Variants in SMCO3 observed in about 807,000 individuals in gnomAD.
SMCO3 encodes single-pass membrane and coiled-coil domain-containing protein 3.
Under a neutral mutation model 12.0 loss-of-function variants are expected in SMCO3, and 6 were observed. The observed-to-expected ratio is 0.50, with a 90% CI of 0.27 to 0.99. The LOEUF (loss-of-function observed/expected upper bound fraction) is 0.99. Ranked by LOEUF, SMCO3 falls within the 50% of genes least tolerant of loss-of-function variation. The pLI is 0.11. For missense variants in SMCO3, 279 were observed against 265.0 expected (o/e 1.05, Z -0.37); for synonymous variants, 96 against 96.4 (o/e 1.00, Z 0.02).
rs750875532 is a variant in SMCO3, at chr12:14,814,168, G to A, written c.-59C>T. On this transcript the variant is annotated 5_prime_UTR_variant, in exon 1 of 2. Transcript: ENST00000316048. ...TTCCGTGGTCCTAGCAGTTGTTTAGGAGTATTGTTAAAGTGCTTTTTCATC... is the reference window on the plus strand; with the variant it reads ...TTCCGTGGTCCTAGCAGTTGTTTAGAAGTATTGTTAAAGTGCTTTTTCATC... 1 of 152,130 alleles carries A rather than the reference G, an allele frequency of 6.6e-6. No homozygotes were observed. Among genetic ancestry groups the A allele is most frequent in the African/African-American group, 2.4e-5 (1 of 41,398 alleles). 9.4% of individuals were successfully genotyped at this position (152,130 alleles called of 1,614,324 possible).
chr12:14,808,267 G>A (rs187067627), intron 1 of SMCO3, among the ~76,000 whole-genome samples: 3 of 152,224 alleles, frequency 2.0e-5, no homozygotes, highest in Admixed American at 2.0e-4. Context: ...TAACAGTCAT[G>A]CTCTTCTGTG....
intron 1 of SMCO3, among the ~76,000 whole-genome samples, chr12:14,811,378 A>G (rs990221309): frequency 6.6e-6 from 1 of 152,166 alleles, no homozygotes; most frequent in African/African-American, 2.4e-5. Flanking sequence ...CTTGCTCTAC[A>G]CATTTGGGCT....
chr12:14,812,353 AG>A (rs1323871035), intron 1 of SMCO3, among the ~76,000 whole-genome samples: 2 of 152,168 alleles, frequency 1.3e-5, no homozygotes, highest in Admixed American at 6.5e-5. Flanking sequence ...CTGAGGCAGG[AG>A]AATGGCATGA....
In SMCO3 at chr12:14,806,203, G is replaced by C; in HGVS notation, c.478C>G (p.Leu160Val). Residue 160 changes from leucine to valine, a missense_variant, in exon 2 of 2, where the codon CTT (leucine) becomes GTT (valine). Physicochemically the swap from Leu to Val is conservative, Grantham distance 32 (BLOSUM62 1). Transcript: ENST00000316048. ...TVLAQIGASL[L>V]GSIGVAVLGL... ...AGAACAGCAACTCCAATACTACCAA[G>C]GAGAGAAGCACCAATTTGAGCTAAC... The C allele has an allele frequency of 6.2e-7, 1 of 1,614,054 alleles. No individual in the cohort carries two copies. The highest frequency in any genetic ancestry group is 1.6e-4 in the Middle Eastern group (1 of 6,062).
At chr12:14,812,182 C>T (rs1950150027) in intron 1 of SMCO3, among the ~76,000 whole-genome samples, 1 of 152,214 alleles carries the variant, frequency 6.6e-6, no homozygotes, top group Non-Finnish European at 1.5e-5. Flanking sequence ...TGGTGGCTCA[C>T]GCCTGTAATC....
chr12:14,809,500 A>G (rs1950104238), intron 1 of SMCO3, among the ~76,000 whole-genome samples: 1 of 152,190 alleles, frequency 6.6e-6, no homozygotes, highest in Non-Finnish European at 1.5e-5. Flanking sequence ...AGACCCTTCT[A>G]TCTGTTTAAT....
At chr12:14,808,600 C>T (rs1592231352) in intron 1 of SMCO3, among the ~76,000 whole-genome samples, 1 of 152,104 alleles carries the variant, frequency 6.6e-6, no homozygotes, top group African/African-American at 2.4e-5. Flanking sequence ...TGAAAATAAC[C>T]TATCCTCCAA....
In SMCO3 at chr12:14,805,752, G is replaced by C; in HGVS notation, c.*251C>G. 1 of 468,132 alleles carries C rather than the reference G, an allele frequency of 2.1e-6. No homozygotes were observed. Among genetic ancestry groups the C allele is most frequent in the African/African-American group, 2.0e-5 (1 of 50,782 alleles). 29.0% of individuals were successfully genotyped at this position (468,132 alleles called of 1,614,324 possible). Reference sequence around the variant, plus strand: ...CATTTACCCCAATGTTGATCTGGTAGAGCAGGGTGTGAAAACATCCAGGGA... The same window carrying C: ...CATTTACCCCAATGTTGATCTGGTACAGCAGGGTGTGAAAACATCCAGGGA... On this transcript the variant is annotated 3_prime_UTR_variant, in exon 2 of 2. Coordinates refer to ENST00000316048, the MANE Select transcript of SMCO3 (RefSeq NM_001013698.2).
Position 14,806,079 on chromosome 12 carries a change from T to C in SMCO3, c.602A>G (p.Glu201Gly). The C allele has an allele frequency of 1.9e-6, 3 of 1,614,204 alleles. No homozygotes were observed. In the South Asian group the frequency reaches 3.3e-5, roughly 18 times the overall value. The change falls in exon 2 of 2, where the codon GAG becomes GGG. Residue 201 changes from glutamate (E) to glycine (G), a missense_variant. Physicochemically the swap from Glu to Gly is moderately conservative, Grantham distance 98. Transcript: ENST00000316048. ...ATATTTTTCTGAGGCTGATTTGAAC[T>C]CCACCAGATGCTTCTCATAACTTTT... The part of the protein sequence containing the change: ...AIKSYEKHLV[E>G]FKSASEKYNH...
Position 14,806,108 on chromosome 12 carries a change from GGCT to G in SMCO3, c.570_572del (p.Ala191del), listed in dbSNP as rs760359895. 1.2e-6 allele frequency: 2 copies of G among 1,614,004 alleles called. No homozygotes were observed. The highest frequency in any genetic ancestry group is 2.7e-5 in the African/African-American group (2 of 74,890). ...CCAGATGCTTCTCATAACTTTTGAT[GGCT>G]GCTTGAAGCTGTGTTTTTTCCACTG... On this transcript the variant is annotated inframe_deletion, in exon 2 of 2. Transcript: ENST00000316048.
rs960958437 is a variant in SMCO3, at chr12:14,806,754, G to T, written c.-16-58C>A. The T allele has an allele frequency of 3.7e-5, 53 of 1,424,388 alleles. 1 individual carries two copies. The Admixed American group carries it at 4.1e-4, about 11-fold the overall frequency. 88.2% of individuals were successfully genotyped at this position (1,424,388 alleles called of 1,614,324 possible). ...GTCTTAAAAAATGTCTGCTAACTGT[G>T]TAGAAGGGACTAGGAAATCTTTTTC... On this transcript the variant is annotated intron_variant, in intron 1 of 1. Transcript: ENST00000316048.
chr12:14,812,575 A>G (rs965465136), intron 1 of SMCO3, among the ~76,000 whole-genome samples: 2 of 152,036 alleles, frequency 1.3e-5, no homozygotes, highest in African/African-American at 4.8e-5. Context: ...TTTTTCCTCC[A>G]TTATCTGGAT....
chr12:14,806,095 C>G lies in SMCO3; in HGVS notation c.586G>C (p.Glu196Gln), dbSNP rs762791212. Residue 196 changes from glutamate (E) to glutamine (Q), a missense_variant, in exon 2 of 2, where the codon GAG (glutamate) becomes CAG (glutamine). Transcript: ENST00000316048. ...GATTTGAACTCCACCAGATGCTTCTCATAACTTTTGATGGCTGCTTGAAGC... is the reference window on the plus strand; with the variant it reads ...GATTTGAACTCCACCAGATGCTTCTGATAACTTTTGATGGCTGCTTGAAGC... ...TQLQAAIKSY[E>Q]KHLVEFKSAS... 6.2e-7 allele frequency: 1 copy of G among 1,614,154 alleles called. No homozygotes were observed. The highest frequency in any genetic ancestry group is 1.1e-5 in the South Asian group (1 of 91,088).
chr12:14,806,521 T>G lies in SMCO3; in HGVS notation c.160A>C (p.Ile54Leu), dbSNP rs1164345840. ...NMHLGCRLASIEMKRDGTIKE... is the reference protein window; with the variant it reads ...NMHLGCRLASLEMKRDGTIKE... ...ATGGTCCCATCTCTTTTCATCTCAATGGAGGCCAGCCTGCACCCCAAGTGC... is the reference window on the plus strand; with the variant it reads ...ATGGTCCCATCTCTTTTCATCTCAAGGGAGGCCAGCCTGCACCCCAAGTGC... Residue 54 changes from isoleucine to leucine, a missense_variant, in exon 2 of 2, where the codon ATT (isoleucine) becomes CTT (leucine). Transcript: ENST00000316048. 1 of 1,614,030 alleles carries G rather than the reference T, an allele frequency of 6.2e-7. No homozygotes were observed. Among genetic ancestry groups the G allele is most frequent in the East Asian group, 2.2e-5 (1 of 44,882 alleles).
intron 1 of SMCO3, among the ~76,000 whole-genome samples, chr12:14,812,210 C>T (rs923206354): frequency 5.3e-5 from 8 of 151,968 alleles, no homozygotes; most frequent in Admixed American, 2.6e-4. Flanking sequence ...TTTGGGAGGC[C>T]GAGGCGGGCG....
chr12:14,806,890 GGTGCGATCTCAGCT>G, intron 1 of SMCO3, among the ~76,000 whole-genome samples, 194 bp from the exon 2 acceptor site: 2 of 152,280 alleles, frequency 1.3e-5, no homozygotes, highest in Admixed American at 1.3e-4. Flanking sequence ...GGAGTGCAGT[GGTGCGATCTCAGCT>G]CACTGCAACC....
intron 1 of SMCO3, among the ~76,000 whole-genome samples, chr12:14,809,603 T>C (rs1039861903): frequency 2.0e-5 from 3 of 152,096 alleles, no homozygotes; most frequent in Non-Finnish European, 4.4e-5. Flanking sequence ...GAGTTAAAAA[T>C]TAATAACAAA....
At chr12:14,810,073 G>T (rs1184731063) in intron 1 of SMCO3, among the ~76,000 whole-genome samples, 2 of 152,178 alleles carry the variant, frequency 1.3e-5, no homozygotes, top group African/African-American at 4.8e-5. Context: ...TTTGGCTAAA[G>T]AAATGTTATG....
At chr12:14,807,365 T>C (rs1184221281) in intron 1 of SMCO3, among the ~76,000 whole-genome samples, 3 of 152,240 alleles carry the variant, frequency 2.0e-5, no homozygotes, top group Non-Finnish European at 4.4e-5. Flanking sequence ...AGCTCTTGAT[T>C]ACTAGTGCTC....
Sources: allele counts gnomAD v4.1 joint callset (sites outside exome capture counted in the v4.1 genomes callset), GRCh38; gene constraint gnomAD v4.1.1; transcripts MANE v1.5; gene names NCBI Gene and HGNC (gene_info 2026-07-23, HGNC 2026-07-21).